Variants in RBFOX1 observed in about 807,000 individuals in gnomAD.
The protein encoded by RBFOX1 is RNA binding fox-1 homolog 1.
In RBFOX1, 8 loss-of-function variants were observed where a neutral mutation model predicts 57.7. The observed-to-expected ratio is 0.14, with a 90% CI of 0.08 to 0.25. RBFOX1 has a LOEUF of 0.25. Ranked by LOEUF, RBFOX1 falls within the 10% of genes least tolerant of loss-of-function variation. RBFOX1 has a pLI of 1.00. For missense variants in RBFOX1, 611 were observed against 548.5 expected (o/e 1.11, Z -1.14); for synonymous variants, 326 against 222.4 (o/e 1.47, Z -4.15).
intron 4 of RBFOX1, among the ~76,000 whole-genome samples, chr16:7,475,309 C>CTTTTTTTTTTTTTTTTTTTT (rs753509713): frequency 7.5e-6 from 1 of 132,772 alleles, no homozygotes. Context: ...GATGGGCATT[C>CTTTTTTTTTTTTTTTTTTTT]TTTTTTTTTT....
At position 5,547,349 on chromosome 16, in the gene RBFOX1, C is replaced by G. The variant is rs1486427; in HGVS notation, c.259-51553C>G. 6.9e-3 allele frequency among the ~76,000 whole-genome samples: 1,047 copies of G among 152,240 alleles called. 17 individuals are homozygous for G. The highest frequency in any genetic ancestry group is 0.023 in the African/African-American group (964 of 41,530). Reference sequence around the variant, plus strand: ...TTTATCAGAGCCAAAAACTAGAAACCACCCAAATGTCTATTATCAGGTGAA... The same window carrying G: ...TTTATCAGAGCCAAAAACTAGAAACGACCCAAATGTCTATTATCAGGTGAA... On this transcript the variant is annotated intron_variant, in intron 2 of 2. Coordinates refer to the RBFOX1 transcript ENST00000585867.
At chr16:6,793,914 G>C (rs983455879) in intron 3 of RBFOX1, among the ~76,000 whole-genome samples, 7 of 152,128 alleles carry the variant, frequency 4.6e-5, no homozygotes, top group African/African-American at 1.4e-4. Flanking sequence ...CTCTTGAGCA[G>C]TAGTCCAGGG....
At chr16:7,693,092 G>C (rs1443158521) in intron 14 of RBFOX1, among the ~76,000 whole-genome samples, 2 of 152,092 alleles carry the variant, frequency 1.3e-5, no homozygotes, top group Admixed American at 1.3e-4. Flanking sequence ...TGGTGCAACA[G>C]CTTGTACATA....
intron 2 of RBFOX1, among the ~76,000 whole-genome samples, chr16:5,490,428 A>G (rs892847096): frequency 6.6e-6 from 1 of 152,232 alleles, no homozygotes; most frequent in East Asian, 1.9e-4. Context: ...CATAGCTGCA[A>G]CTTGACCTTC....
chr16:5,301,770 A>T (rs1374915591), intron 1 of RBFOX1, among the ~76,000 whole-genome samples: 1 of 152,176 alleles, frequency 6.6e-6, no homozygotes, highest in African/African-American at 2.4e-5. Context: ...AGCCACCCAG[A>T]TGAAACCCTG....
At chr16:6,833,211 G>A (rs114340197) in intron 3 of RBFOX1, among the ~76,000 whole-genome samples, 2,225 of 151,310 alleles carry the variant, frequency 0.015, 69 homozygotes, top group African/African-American at 0.052. Context: ...TGTCACCCAG[G>A]GTGGAGTGCA....
chr16:7,102,195 G>T (rs2062816304), intron 4 of RBFOX1, among the ~76,000 whole-genome samples: 1 of 152,192 alleles, frequency 6.6e-6, no homozygotes, highest in African/African-American at 2.4e-5. Flanking sequence ...GCCACTGTTT[G>T]CAGGGGCATT....
chr16:6,979,706 C>T (rs1472840283), intron 3 of RBFOX1, among the ~76,000 whole-genome samples: 1 of 152,116 alleles, frequency 6.6e-6, no homozygotes, highest in Non-Finnish European at 1.5e-5. Flanking sequence ...CGTTATTATG[C>T]TTATAAATTT....
At chr16:6,802,147 A>C (rs2085620240) in intron 3 of RBFOX1, among the ~76,000 whole-genome samples, 1 of 151,740 alleles carries the variant, frequency 6.6e-6, no homozygotes, top group South Asian at 2.1e-4. Flanking sequence ...AAGCCCCAGG[A>C]AAGGCCTGGG....
chr16:6,853,284 T>C (rs911371336), intron 3 of RBFOX1, among the ~76,000 whole-genome samples: 5 of 152,204 alleles, frequency 3.3e-5, no homozygotes, highest in Non-Finnish European at 7.3e-5. Context: ...GTAATTATTA[T>C]ATTCTTGTTT....
chr16:6,150,732 G>A (rs2096791659), intron 1 of RBFOX1, among the ~76,000 whole-genome samples: 1 of 152,150 alleles, frequency 6.6e-6, no homozygotes, highest in South Asian at 2.1e-4. Context: ...GAGAGCTGGG[G>A]AATGGGTCTT....
chr16:5,771,395 A>T (rs893486704), intron 3 of RBFOX1, among the ~76,000 whole-genome samples: 2 of 151,934 alleles, frequency 1.3e-5, no homozygotes, highest in Non-Finnish European at 2.9e-5. Flanking sequence ...TAAGTATTTC[A>T]TTGTGTTTGT....
chr16:5,631,221 G>C lies in RBFOX1; in HGVS notation c.318+32260G>C, dbSNP rs2048496022. Among the ~76,000 whole-genome samples, 5 of 152,158 alleles carry C rather than the reference G, an allele frequency of 3.3e-5. 1 individual carries two copies. The highest frequency in any genetic ancestry group is 2.0e-4 in the Admixed American group (3 of 15,284). On this transcript the variant is annotated intron_variant, in intron 3 of 19. Transcript: ENST00000641259. ...GATGATGTTGGTGGCTGATGTTACT[G>C]GTCAGGGTCTTAGAGGCTCTCTCCA...
chr16:7,290,335 C>T (rs1277982555), intron 4 of RBFOX1, among the ~76,000 whole-genome samples: 2 of 152,040 alleles, frequency 1.3e-5, no homozygotes, highest in Admixed American at 6.6e-5. Flanking sequence ...TAATTTGTTG[C>T]CTGCTATTGA....
chr16:6,093,423 T>A (rs898906752), intron 1 of RBFOX1, among the ~76,000 whole-genome samples: 3 of 151,944 alleles, frequency 2.0e-5, no homozygotes, highest in Non-Finnish European at 4.4e-5. Context: ...TTAATAATAA[T>A]AAAATCATAG....
At chr16:6,915,554 T>A in intron 3 of RBFOX1, among the ~76,000 whole-genome samples, 1 of 140,864 alleles carries the variant, frequency 7.1e-6, no homozygotes, top group Non-Finnish European at 1.5e-5. Context: ...ACCCCCCTTT[T>A]TTTTTTTTTT....
At chr16:5,398,023 A>G (rs1038280009) in intron 1 of RBFOX1, among the ~76,000 whole-genome samples, 2 of 152,052 alleles carry the variant, frequency 1.3e-5, no homozygotes, top group East Asian at 1.9e-4. Flanking sequence ...CCAGGGAAGC[A>G]TTTAATTGAA....
Position 6,392,008 on chromosome 16 carries a change from G to T in RBFOX1, c.-64+74951G>T, listed in dbSNP as rs146001344. On this transcript the variant is annotated intron_variant, in intron 2 of 15. Transcript: ENST00000550418. ...TGAAGAATAAGTAGGATTTTTCTAAGTGGAGAAGGAGCTCAGGTTCCTGGT... is the reference window on the plus strand; with the variant it reads ...TGAAGAATAAGTAGGATTTTTCTAATTGGAGAAGGAGCTCAGGTTCCTGGT... 5.4e-3 allele frequency among the ~76,000 whole-genome samples: 824 copies of T among 152,306 alleles called. 5 individuals carry two copies. The highest frequency in any genetic ancestry group is 0.041 in the Middle Eastern group (12 of 294).
chr16:6,211,824 ATTT>A (rs2097300224), intron 1 of RBFOX1, among the ~76,000 whole-genome samples: 1 of 86,828 alleles, frequency 1.2e-5, no homozygotes, highest in Non-Finnish European at 2.6e-5. Flanking sequence ...TACATCTTTT[ATTT>A]ATTTATTTAT....
Sources: gnomAD v4.1 joint callset for allele counts (sites outside exome capture counted in the v4.1 genomes callset) on GRCh38, gnomAD v4.1.1 for gene constraint, MANE v1.5 for transcripts, NCBI Gene and HGNC (gene_info 2026-07-23, HGNC 2026-07-21) for gene names.